The following IL1RAPL2 variants were observed in gnomAD, a reference collection of about 807,000 sequenced individuals.
The protein encoded by IL1RAPL2 is X-linked interleukin-1 receptor accessory protein-like 2.
In IL1RAPL2, 3 loss-of-function variants were observed where a neutral mutation model predicts 44.1. The observed-to-expected ratio is 0.07, with a 90% CI of 0.03 to 0.18. IL1RAPL2 has a LOEUF of 0.18. Among genes scored for constraint, IL1RAPL2 ranks in the 10% least tolerant of loss-of-function variants. The pLI is 1.00. For synonymous variants in IL1RAPL2, 181 were observed against 178.8 expected, an observed-to-expected ratio of 1.01 and a Z score of -0.10; for missense variants, 391 against 496.4, an observed-to-expected ratio of 0.79 and a Z score of 2.02.
At chrX:105,063,930 G>A (rs1449833491) in intron 2 of IL1RAPL2, among the ~76,000 whole-genome samples, 1 of 111,987 alleles carries the variant, frequency 8.9e-6, no homozygotes, top group East Asian at 2.8e-4. Context: ...CCACCTGGAG[G>A]TGGGGATGGG....
chrX:105,713,774 G>C (rs760956560), intron 6 of IL1RAPL2, among the ~76,000 whole-genome samples: 22 of 111,231 alleles, frequency 2.0e-4, no homozygotes, highest in African/African-American at 6.9e-4. Context: ...CACCTGGCTT[G>C]TTTCTATGCG....
chrX:104,761,149 C>T (rs1209240280), intron 2 of IL1RAPL2, among the ~76,000 whole-genome samples: 2 of 111,221 alleles, frequency 1.8e-5, no homozygotes, highest in Non-Finnish European at 3.8e-5. Context: ...TAAAGACATA[C>T]CTGAGACTAG....
At chrX:105,744,236 G>A (rs2038522450) in intron 8 of IL1RAPL2, among the ~76,000 whole-genome samples, 1 of 111,738 alleles carries the variant, frequency 8.9e-6, no homozygotes, top group African/African-American at 3.2e-5. Context: ...ATACCAGTTT[G>A]TACTCTCCGT....
At chrX:105,434,562 TG>T (rs1212455360) in intron 5 of IL1RAPL2, among the ~76,000 whole-genome samples, 2 of 111,919 alleles carry the variant, frequency 1.8e-5, no homozygotes, top group African/African-American at 6.5e-5. Flanking sequence ...GTGATGGGAT[TG>T]TTTTTTTCTT....
intron 2 of IL1RAPL2, among the ~76,000 whole-genome samples, chrX:104,724,052 T>A (rs1014255517): frequency 9.0e-6 from 1 of 111,711 alleles, no homozygotes; most frequent in Non-Finnish European, 1.9e-5. Context: ...AAAATTAATG[T>A]TCATCATAGT....
chrX:105,449,819 T>G (rs2036006185), intron 5 of IL1RAPL2, among the ~76,000 whole-genome samples: 2 of 111,922 alleles, frequency 1.8e-5, no homozygotes, highest in Admixed American at 9.4e-5. Context: ...TTCCTTACTT[T>G]ATCCCAAACA....
intron 6 of IL1RAPL2, among the ~76,000 whole-genome samples, chrX:105,486,734 A>ATCTATCTATC (rs1556335856): frequency 1.3e-4 from 13 of 103,868 alleles, no homozygotes; most frequent in African/African-American, 4.8e-4. Flanking sequence ...CTATATATCT[A>ATCTATCTATC]TATCTATCTA....
chrX:105,174,719 A>G (rs892227707), intron 2 of IL1RAPL2, among the ~76,000 whole-genome samples: 1 of 111,402 alleles, frequency 9.0e-6, no homozygotes, highest in Non-Finnish European at 1.9e-5. Context: ...TGCTGCCAAC[A>G]TAAGGAGGGA....
chrX:104,796,906 GAGT>G (rs1238184447), intron 2 of IL1RAPL2, among the ~76,000 whole-genome samples: 1 of 110,886 alleles, frequency 9.0e-6, no homozygotes, highest in Non-Finnish European at 1.9e-5. Flanking sequence ...GAGTAGCTGA[GAGT>G]ACAGGCACCT....
At chrX:105,741,552 A>T (rs903218207) in intron 8 of IL1RAPL2, among the ~76,000 whole-genome samples, 1 of 111,917 alleles carries the variant, frequency 8.9e-6, no homozygotes, top group African/African-American at 3.2e-5. Context: ...CTTCCTGGCC[A>T]GGATGGAATT....
chrX:105,283,859 A>G (rs774268340), intron 5 of IL1RAPL2, among the ~76,000 whole-genome samples: 9 of 111,266 alleles, frequency 8.1e-5, no homozygotes, highest in East Asian at 2.8e-4. Flanking sequence ...TAGGAGATCA[A>G]TGCAAACTGC....
chrX:105,388,072 C>T (rs1467654193), intron 5 of IL1RAPL2, among the ~76,000 whole-genome samples: 1 of 94,125 alleles, frequency 1.1e-5, no homozygotes, highest in African/African-American at 4.1e-5. Context: ...TGCTTGAACC[C>T]AGAAGGCAGA....
At chrX:105,597,207 T>C (rs1368994032) in intron 6 of IL1RAPL2, among the ~76,000 whole-genome samples, 2 of 111,671 alleles carry the variant, frequency 1.8e-5, no homozygotes, top group Non-Finnish European at 3.8e-5. Context: ...TGTACCTGAA[T>C]AGACATTTCT....
At chrX:105,559,826 G>C (rs1254402979) in intron 6 of IL1RAPL2, among the ~76,000 whole-genome samples, 1 of 111,714 alleles carries the variant, frequency 9.0e-6, no homozygotes, top group Non-Finnish European at 1.9e-5. Flanking sequence ...GGTAAAAATG[G>C]GGAGGATGCC....
intron 2 of IL1RAPL2, among the ~76,000 whole-genome samples, chrX:104,778,545 G>T (rs1172950364): frequency 1.0e-5 from 1 of 96,876 alleles, no homozygotes; most frequent in Non-Finnish European, 2.0e-5. Flanking sequence ...GGATGACAGA[G>T]TGAGACTCCG....
chrX:105,265,288 A>C (rs2034393250), intron 4 of IL1RAPL2, among the ~76,000 whole-genome samples: 1 of 112,068 alleles, frequency 8.9e-6, no homozygotes, highest in Non-Finnish European at 1.9e-5. Context: ...ATTTTTGTTT[A>C]ATGACCTTCA....
intron 6 of IL1RAPL2, among the ~76,000 whole-genome samples, chrX:105,632,459 G>A (rs1174528412): frequency 9.0e-6 from 1 of 111,305 alleles, no homozygotes; most frequent in African/African-American, 3.3e-5. Context: ...AATGAGATTT[G>A]TTGACAGCAT....
At chrX:105,498,848 C>A (rs2036373461) in intron 6 of IL1RAPL2, among the ~76,000 whole-genome samples, 1 of 111,663 alleles carries the variant, frequency 9.0e-6, no homozygotes, top group Non-Finnish European at 1.9e-5. Context: ...AGAACAGTAC[C>A]AGTCTGTGGC....
At chrX:105,198,113 A>T (rs999495567) in intron 3 of IL1RAPL2, among the ~76,000 whole-genome samples, 13 of 111,878 alleles carry the variant, frequency 1.2e-4, no homozygotes, top group Non-Finnish European at 2.3e-4. Context: ...CATGGTGTAT[A>T]TATATGTACC....
Sources: gnomAD v4.1 joint callset for allele counts (sites outside exome capture counted in the v4.1 genomes callset) on GRCh38, gnomAD v4.1.1 for gene constraint, MANE v1.5 for transcripts, NCBI Gene and HGNC (gene_info 2026-07-23, HGNC 2026-07-21) for gene names.